Variants in PARD3B observed in about 807,000 individuals in gnomAD.
PARD3B encodes the protein partitioning defective 3 homolog B.
Under a neutral mutation model 130.2 loss-of-function variants are expected in PARD3B, and 103 were observed. The ratio of observed to expected loss-of-function variants is 0.79; its 90% confidence interval spans 0.67 to 0.93. The LOEUF (loss-of-function observed/expected upper bound fraction) is 0.93. Among genes scored for constraint, PARD3B ranks in the 40% least tolerant of loss-of-function variants. The probability of loss-of-function intolerance (pLI) is 0.00; values close to 1 mark genes in which losing one functional copy is unlikely to be tolerated. For synonymous variants in PARD3B, 583 were observed against 553.2 expected (o/e 1.05, Z -0.76); for missense variants, 1,609 against 1,499.2 (o/e 1.07, Z -1.21).
At chr2:204,879,687 G>T (rs1003088008) in intron 2 of PARD3B, among the ~76,000 whole-genome samples, 1 of 152,184 alleles carries the variant, frequency 6.6e-6, no homozygotes, top group African/African-American at 2.4e-5. Flanking sequence ...TTAGGTATAT[G>T]CCCTTTGTAA....
chr2:204,618,010 G>A lies in PARD3B; in HGVS notation c.121-68171G>A, dbSNP rs112486616. Among the ~76,000 whole-genome samples the A allele has an allele frequency of 6.4e-3, 971 of 152,252 alleles. 8 individuals carry two copies. The highest frequency in any genetic ancestry group is 0.022 in the African/African-American group (927 of 41,552). On this transcript the variant is annotated intron_variant, in intron 1 of 22. Coordinates refer to ENST00000406610, the MANE Select transcript of PARD3B (RefSeq NM_001302769.2). ...GAATAGTGCTATGATGAACATACAC[G>A]TGCATGAGTCTTTATGGCAGAGCAA...
At chr2:205,001,147 C>T (rs1438373416) in intron 3 of PARD3B, among the ~76,000 whole-genome samples, 1 of 152,124 alleles carries the variant, frequency 6.6e-6, no homozygotes, top group Non-Finnish European at 1.5e-5. Context: ...TGCAACCACA[C>T]CTGGCTAATT....
chr2:205,108,880 G>A (rs1034770093), intron 5 of PARD3B, among the ~76,000 whole-genome samples: 2 of 152,146 alleles, frequency 1.3e-5, no homozygotes, highest in Non-Finnish European at 2.9e-5. Flanking sequence ...TAAAATGGAT[G>A]TGATATAAAT....
intron 1 of PARD3B, among the ~76,000 whole-genome samples, chr2:204,648,774 A>G (rs1274460090): frequency 1.2e-3 from 17 of 14,394 alleles, no homozygotes; most frequent in African/African-American, 7.7e-3. Context: ...TCATATAAAT[A>G]ATATATATTT....
At position 205,158,740 on chromosome 2, in the gene PARD3B, T is replaced by A. The variant is rs2034331878; in HGVS notation, c.1453T>A (p.Cys485Ser). ...CTAACAGAAAGGAGAACCTGACTGC[T>A]GTGCACTCTCTCTGGAGACAAGCGA... ...PRELKGEPDC[C>S]ALSLETSEQL... Residue 485 changes from cysteine (C) to serine (S), a missense_variant, in exon 11 of 23, where the codon TGT (cysteine) becomes AGT (serine). By Grantham distance (112) the Cys-to-Ser change is moderately radical. Coordinates refer to ENST00000406610, the MANE Select transcript of PARD3B (RefSeq NM_001302769.2). The surrounding 1 kb of genome is among the most constrained non-coding windows in gnomAD (Gnocchi z 5.4). 11 of 1,613,862 alleles carry A rather than the reference T, an allele frequency of 6.8e-6. No individual in the cohort carries two copies. The highest frequency in any genetic ancestry group is 9.3e-6 in the Non-Finnish European group (11 of 1,179,868).
intron 1 of PARD3B, among the ~76,000 whole-genome samples, chr2:204,662,926 T>C (rs1253703525): frequency 2.6e-5 from 4 of 152,176 alleles, no homozygotes; most frequent in African/African-American, 7.2e-5. Flanking sequence ...TAAAAACTGC[T>C]GTTCTATTAC....
intron 18 of PARD3B, among the ~76,000 whole-genome samples, chr2:205,400,785 G>A (rs749527661): frequency 1.3e-5 from 2 of 152,106 alleles, no homozygotes; most frequent in African/African-American, 2.4e-5. Flanking sequence ...ATAAATATGA[G>A]TGAAAAGAAG....
intron 22 of PARD3B, among the ~76,000 whole-genome samples, chr2:205,607,643 A>C (rs1413007003): frequency 3.9e-5 from 6 of 152,200 alleles, no homozygotes; most frequent in Non-Finnish European, 8.8e-5. Flanking sequence ...TGTGCTCAGC[A>C]GGCTTATGAA....
At chr2:205,534,253 G>A (rs1420210471) in intron 21 of PARD3B, among the ~76,000 whole-genome samples, 2 of 152,164 alleles carry the variant, frequency 1.3e-5, no homozygotes, top group East Asian at 3.9e-4. Context: ...CAAGTAAAGA[G>A]TAAATATCAG....
intron 1 of PARD3B, among the ~76,000 whole-genome samples, chr2:204,639,368 A>G (rs113633879): frequency 2.8e-3 from 419 of 152,272 alleles, no homozygotes; most frequent in African/African-American, 9.3e-3. Flanking sequence ...ATCATTATTA[A>G]TAACTTTTGT....
rs138057848 is a variant in PARD3B, at chr2:205,325,526, T to TAGTAGTAG, written c.2630+23825_2630+23826insAGTAGTAG. ...TTTACTAATATCATCTCATTGTTTA[T>TAGTAGTAG]TAGTAGTAGTAGTAGTAGTAGTCTC... On this transcript the variant is annotated intron_variant, in intron 18 of 22. Transcript: ENST00000406610. The surrounding 1 kb of genome is among the most constrained non-coding windows in gnomAD (Gnocchi z 4.1). 6.0e-5 allele frequency among the ~76,000 whole-genome samples: 9 copies of TAGTAGTAG among 150,638 alleles called. No homozygotes were observed. The highest frequency in any genetic ancestry group is 2.2e-4 in the African/African-American group (9 of 41,010).
In PARD3B at chr2:204,628,280, T is replaced by TG. The variant is rs1411312413; in HGVS notation, c.121-57901_121-57900insG. On this transcript the variant is annotated intron_variant, in intron 1 of 22. Coordinates refer to ENST00000406610, the MANE Select transcript of PARD3B (RefSeq NM_001302769.2). ...CTGTGTGTTAATTCTAAATTCCCGT[T>TG]TTTTTTTTTTAATTAACTTTAGAAA... 2.7e-5 allele frequency among the ~76,000 whole-genome samples: 4 copies of TG among 150,190 alleles called. No homozygotes were observed. The East Asian group carries it at 5.8e-4, about 22-fold the overall frequency.
chr2:205,095,660 A>G (rs921806414), intron 4 of PARD3B, among the ~76,000 whole-genome samples: 3 of 152,092 alleles, frequency 2.0e-5, no homozygotes, highest in African/African-American at 7.2e-5. Flanking sequence ...CTCTCTACCC[A>G]CCATCACCTC....
At chr2:205,235,208 C>T (rs1020157803) in intron 15 of PARD3B, among the ~76,000 whole-genome samples, 3 of 152,036 alleles carry the variant, frequency 2.0e-5, no homozygotes, top group Non-Finnish European at 2.9e-5. Context: ...ATCATTTGAG[C>T]GTAGGAGTTT....
intron 2 of PARD3B, among the ~76,000 whole-genome samples, chr2:204,904,594 G>A (rs1010145059): frequency 6.6e-6 from 1 of 151,832 alleles, no homozygotes; most frequent in African/African-American, 2.4e-5. Context: ...TAAACATCTT[G>A]TAGTTGAGAA....
In PARD3B at chr2:205,282,507, G is replaced by GTATA. The variant is rs34964209; in HGVS notation, c.2186-18013_2186-18010dup. Among the ~76,000 whole-genome samples the GTATA allele has an allele frequency of 1.4e-3, 209 of 144,988 alleles. 2 individuals carry two copies. The Middle Eastern group carries it at 0.032, about 22-fold the overall frequency. ...TATGTGTGTATATATATATTTATGT[G>GTATA]TATATATATATATGTACACACACAC... On this transcript the variant is annotated intron_variant, in intron 16 of 22. Transcript: ENST00000406610.
intron 2 of PARD3B, among the ~76,000 whole-genome samples, chr2:204,951,422 G>A (rs1414019844): frequency 1.3e-5 from 2 of 152,126 alleles, no homozygotes; most frequent in Non-Finnish European, 2.9e-5. Context: ...CGTCCTGCCA[G>A]CAAATACACC....
intron 4 of PARD3B, among the ~76,000 whole-genome samples, chr2:205,082,267 C>T (rs1026389503): frequency 6.6e-6 from 1 of 152,094 alleles, no homozygotes; most frequent in African/African-American, 2.4e-5. Flanking sequence ...AAATACATTC[C>T]AAGATCCCCA....
At position 204,907,143 on chromosome 2, in the gene PARD3B, G is replaced by C. The variant is rs564845267; in HGVS notation, c.223-58009G>C. Among the ~76,000 whole-genome samples, 1 of 152,142 alleles carries C rather than the reference G, an allele frequency of 6.6e-6. No homozygotes were observed. On this transcript the variant is annotated intron_variant, in intron 2 of 22. Coordinates refer to ENST00000406610, the MANE Select transcript of PARD3B (RefSeq NM_001302769.2). The surrounding 1 kb of genome is among the most constrained non-coding windows in gnomAD (Gnocchi z 5.7). ...TTACAGGTGCCCACCACCACACCCG[G>C]CTCTTTTTTCATATTTTTAGTAAAG...
Sources: allele counts gnomAD v4.1 joint callset (sites outside exome capture counted in the v4.1 genomes callset), GRCh38; gene constraint gnomAD v4.1.1; non-coding constraint Gnocchi (gnomAD v3.1); transcripts MANE v1.5; gene names NCBI Gene and HGNC (gene_info 2026-07-23, HGNC 2026-07-21).